The following DGKB variants were observed in gnomAD, a reference collection of about 807,000 sequenced individuals.
DGKB encodes the protein diacylglycerol kinase beta.
Under a neutral mutation model 114.3 loss-of-function variants are expected in DGKB, and 67 were observed. The ratio of observed to expected loss-of-function variants is 0.59; its 90% confidence interval spans 0.48 to 0.72. The LOEUF (loss-of-function observed/expected upper bound fraction) is 0.72. DGKB is among the 30% of genes least tolerant of loss of function. The probability of loss-of-function intolerance (pLI) is 0.00; values close to 1 mark genes in which losing one functional copy is unlikely to be tolerated. For synonymous variants in DGKB, 398 were observed against 323.1 expected (o/e 1.23, Z -2.49); for missense variants, 907 against 975.2 (o/e 0.93, Z 0.93).
intron 23 of DGKB, among the ~76,000 whole-genome samples, chr7:14,317,517 A>T (rs1329045470): frequency 2.7e-4 from 41 of 152,012 alleles, no homozygotes; most frequent in Middle Eastern, 3.4e-3. Context: ...CCAAATCATG[A>T]GTGAACTCCC....
intron 25 of DGKB, among the ~76,000 whole-genome samples, chr7:14,170,967 G>A (rs1780906231): frequency 6.6e-6 from 1 of 152,144 alleles, no homozygotes; most frequent in Admixed American, 6.5e-5. Flanking sequence ...AGCATCTCAT[G>A]GAATGGGTCA....
At chr7:14,974,045 G>A (rs1587487646) in intron 1 of DGKB, among the ~76,000 whole-genome samples, 1 of 151,762 alleles carries the variant, frequency 6.6e-6, no homozygotes, top group African/African-American at 2.4e-5. Flanking sequence ...AAATAAAAAG[G>A]CAAACATTAC....
chr7:14,311,037 A>G (rs1305829066), intron 23 of DGKB, among the ~76,000 whole-genome samples: 1 of 152,110 alleles, frequency 6.6e-6, no homozygotes, highest in Non-Finnish European at 1.5e-5. Flanking sequence ...TTAAGGTGGG[A>G]GGATCACTTA....
In DGKB at chr7:14,926,277, AC is replaced by A. The variant is rs1784746359; in HGVS notation, c.-188+48418del. Reference sequence around the variant, plus strand: ...GCTTTAAAATTCTTGTCAGACAACCACACCATTTGATTCATTTTCATATTGG... The same window carrying A: ...GCTTTAAAATTCTTGTCAGACAACCAACCATTTGATTCATTTTCATATTGG... On this transcript the variant is annotated intron_variant, in intron 1 of 4. Transcript: ENST00000437998. Among the ~76,000 whole-genome samples the A allele has an allele frequency of 4.6e-5, 7 of 152,038 alleles. No homozygotes were observed. In the South Asian group the frequency reaches 1.5e-3, roughly 32 times the overall value.
At chr7:14,704,549 G>C (rs1435747533) in intron 6 of DGKB, among the ~76,000 whole-genome samples, 1 of 151,882 alleles carries the variant, frequency 6.6e-6, no homozygotes, top group Non-Finnish European at 1.5e-5. Context: ...CGACGCAGAA[G>C]ACGGGTGATT....
At chr7:14,411,993 TATAAGTA>T (rs1276107145) in intron 21 of DGKB, among the ~76,000 whole-genome samples, 2 of 152,174 alleles carry the variant, frequency 1.3e-5, no homozygotes, top group African/African-American at 4.8e-5. Context: ...AATCAAGTTG[TATAAGTA>T]ATAAGTGTTT....
chr7:14,339,523 C>T (rs533929710), intron 22 of DGKB, among the ~76,000 whole-genome samples: 2 of 152,020 alleles, frequency 1.3e-5, no homozygotes, highest in Admixed American at 1.3e-4. Flanking sequence ...ATATAAAATT[C>T]ACTAACAAAC....
At chr7:14,551,885 C>T (rs188622221) in intron 20 of DGKB, among the ~76,000 whole-genome samples, 9 of 152,180 alleles carry the variant, frequency 5.9e-5, no homozygotes, top group Admixed American at 5.2e-4. Flanking sequence ...ATCTGTCTCA[C>T]AGTGAGTCTT....
intron 2 of DGKB, among the ~76,000 whole-genome samples, chr7:14,795,934 T>G (rs943907774): frequency 6.6e-6 from 1 of 152,140 alleles, no homozygotes; most frequent in African/African-American, 2.4e-5. Context: ...TGTACTAATG[T>G]TATGACATGT....
chr7:14,222,810 T>G (rs1034503355), intron 23 of DGKB, among the ~76,000 whole-genome samples: 2 of 151,532 alleles, frequency 1.3e-5, no homozygotes, highest in African/African-American at 4.8e-5. Context: ...TCTGTCATTT[T>G]TTGCTTTATT....
At chr7:14,601,121 C>T (rs1474946539) in intron 17 of DGKB, among the ~76,000 whole-genome samples, 1 of 152,192 alleles carries the variant, frequency 6.6e-6, no homozygotes, top group South Asian at 2.1e-4. Context: ...GAGTTAGCAC[C>T]AGCTGGATGC....
intron 20 of DGKB, among the ~76,000 whole-genome samples, chr7:14,524,756 CA>C (rs11347141): frequency 0.51 from 56,549 of 111,808 alleles, 10,833 homozygotes; most frequent in East Asian, 0.71. Flanking sequence ...GACTCTGTCT[CA>C]AAAAAAAAAA....
intron 23 of DGKB, among the ~76,000 whole-genome samples, chr7:14,307,111 A>G (rs1336588111): frequency 2.6e-5 from 4 of 152,146 alleles, no homozygotes; most frequent in African/African-American, 9.7e-5. Context: ...ATTTGAATCT[A>G]CCACATTTCT....
At chr7:14,711,679 T>A (rs779871255) in intron 6 of DGKB, among the ~76,000 whole-genome samples, 1 of 152,100 alleles carries the variant, frequency 6.6e-6, no homozygotes, top group Non-Finnish European at 1.5e-5. Context: ...AAGCATAGAT[T>A]TGCTTAGAAA....
At chr7:14,480,808 T>C (rs927142311) in intron 20 of DGKB, among the ~76,000 whole-genome samples, 2 of 152,102 alleles carry the variant, frequency 1.3e-5, no homozygotes, top group African/African-American at 4.8e-5. Context: ...TCAAAGTACC[T>C]TGGTGGAGAT....
At chr7:14,901,651 T>A (rs954478594) in intron 1 of DGKB, among the ~76,000 whole-genome samples, 2 of 124,892 alleles carry the variant, frequency 1.6e-5, no homozygotes, top group African/African-American at 6.1e-5. Context: ...AAAAATCTGG[T>A]CAATGCAAGA....
In DGKB at chr7:14,429,611, T is replaced by C. The variant is rs1828114059; in HGVS notation, c.1835+48550A>G. On this transcript the variant is annotated intron_variant, in intron 21 of 25. Transcript: ENST00000402815. ...TTCACTCTGCGCCCTTTCCACTTTA[T>C]AGTGGATGCACATGAAAATGTATTT... Among the ~76,000 whole-genome samples the C allele has an allele frequency of 2.0e-5, 3 of 152,160 alleles. No homozygotes were observed. The South Asian group carries it at 6.2e-4, about 31-fold the overall frequency.
intron 17 of DGKB, among the ~76,000 whole-genome samples, chr7:14,587,276 A>G (rs951217660): frequency 6.6e-6 from 1 of 152,140 alleles, no homozygotes; most frequent in African/African-American, 2.4e-5. Context: ...ATGTCATAAA[A>G]ACAGCAAAAA....
intron 1 of DGKB, among the ~76,000 whole-genome samples, chr7:14,841,971 G>C (rs1187452485): frequency 1.3e-5 from 2 of 152,192 alleles, no homozygotes; most frequent in African/African-American, 4.8e-5. Flanking sequence ...ATGTCTGAAA[G>C]ACTTGTGTAA....
Sources: allele counts gnomAD v4.1 joint callset (sites outside exome capture counted in the v4.1 genomes callset), GRCh38; gene constraint gnomAD v4.1.1; transcripts MANE v1.5; gene names NCBI Gene and HGNC (gene_info 2026-07-23, HGNC 2026-07-21).